Variants in AGMO observed in about 807,000 individuals in gnomAD.
The protein encoded by AGMO is alkylglycerol monooxygenase.
Under a neutral mutation model 60.2 loss-of-function variants are expected in AGMO, and 75 were observed. The observed-to-expected ratio is 1.25, with a 90% confidence interval of 1.03 to 1.51. The LOEUF is 1.51. AGMO is among the 40% of genes most tolerant of loss of function. The pLI, the probability that AGMO is intolerant of heterozygous loss-of-function variation, is 0.00. For synonymous variants in AGMO, 261 were observed against 177.1 expected (o/e 1.47, Z -3.76); for missense variants, 763 against 525.5 (o/e 1.45, Z -4.42).
intron 3 of AGMO, among the ~76,000 whole-genome samples, chr7:15,453,916 A>T (rs1781923173): frequency 6.7e-6 from 1 of 149,488 alleles, no homozygotes; most frequent in Admixed American, 6.7e-5. Context: ...ATTACACAAA[A>T]TATAATGTTT....
At chr7:15,546,629 A>T (rs1362844512) in intron 2 of AGMO, among the ~76,000 whole-genome samples, 1 of 152,192 alleles carries the variant, frequency 6.6e-6, no homozygotes, top group East Asian at 1.9e-4. Flanking sequence ...TGGGATGTCC[A>T]CACACAGGTG....
At chr7:15,446,659 TG>T (rs1377277618) in intron 3 of AGMO, among the ~76,000 whole-genome samples, 4 of 152,248 alleles carry the variant, frequency 2.6e-5, no homozygotes, top group Admixed American at 1.3e-4. Context: ...TGCATTTAGT[TG>T]TTTTTCTAAA....
At chr7:15,197,832 G>A (rs550210768), downstream of AGMO, among the ~76,000 whole-genome samples, 4 of 152,242 alleles carry the variant, frequency 2.6e-5, no homozygotes, top group Admixed American at 2.0e-4. Flanking sequence ...ACTTTTAAAG[G>A]CTTGCCTTAT....
intron 12 of AGMO, among the ~76,000 whole-genome samples, chr7:15,308,191 T>C (rs780262691): frequency 6.6e-5 from 10 of 152,164 alleles, no homozygotes; most frequent in Non-Finnish European, 1.5e-4. Flanking sequence ...CTGCTTATCC[T>C]GTATGTTCAT....
At chr7:15,298,508 C>T (rs1228936285) in intron 12 of AGMO, among the ~76,000 whole-genome samples, 5 of 152,092 alleles carry the variant, frequency 3.3e-5, no homozygotes, top group African/African-American at 4.8e-5. Flanking sequence ...GATCCTCTCA[C>T]CTAAGCCTCC....
At chr7:15,360,613 C>G (rs1331765122) in intron 12 of AGMO, among the ~76,000 whole-genome samples, 2 of 151,916 alleles carry the variant, frequency 1.3e-5, no homozygotes, top group African/African-American at 4.8e-5. Context: ...TTTGGCCTTG[C>G]TATCTCAGGA....
At chr7:15,261,430 C>T (rs1288417886) in intron 12 of AGMO, among the ~76,000 whole-genome samples, 1 of 151,980 alleles carries the variant, frequency 6.6e-6, no homozygotes, top group East Asian at 1.9e-4. Flanking sequence ...TGGAAATACA[C>T]AACCCTCCTA....
chr7:15,171,428 T>C, the AGMO span, among the ~76,000 whole-genome samples: 2 of 152,210 alleles, frequency 1.3e-5, no homozygotes, highest in South Asian at 4.1e-4. Context: ...GTATAAAGTA[T>C]ACACTTCTTT....
chr7:15,459,059 C>T (rs1303694261), intron 3 of AGMO, among the ~76,000 whole-genome samples: 1 of 152,084 alleles, frequency 6.6e-6, no homozygotes, highest in Non-Finnish European at 1.5e-5. Flanking sequence ...TGCAATACTG[C>T]CCACATACAA....
At chr7:15,193,914 T>C in the AGMO span, among the ~76,000 whole-genome samples, 1 of 152,146 alleles carries the variant, frequency 6.6e-6, no homozygotes, top group Non-Finnish European at 1.5e-5. Context: ...TCTAGGCAAT[T>C]TGCAACTTTG....
At chr7:15,263,647 C>G (rs1371171881) in intron 12 of AGMO, among the ~76,000 whole-genome samples, 1 of 151,970 alleles carries the variant, frequency 6.6e-6, no homozygotes, top group Non-Finnish European at 1.5e-5. Context: ...CAATTTGCAA[C>G]TGCAAAAATA....
chr7:15,540,326 GTT>G (rs754473960), intron 3 of AGMO, among the ~76,000 whole-genome samples: 9 of 152,176 alleles, frequency 5.9e-5, no homozygotes, highest in African/African-American at 1.7e-4. Flanking sequence ...GCTACAGCTA[GTT>G]TTTTGGTGTG....
intron 12 of AGMO, among the ~76,000 whole-genome samples, chr7:15,307,555 G>A (rs1041432902): frequency 6.6e-6 from 1 of 151,728 alleles, no homozygotes; most frequent in Non-Finnish European, 1.5e-5. Flanking sequence ...CCTATAAGAA[G>A]GACACTATAA....
At chr7:15,439,485 T>C (rs1781491346) in intron 3 of AGMO, among the ~76,000 whole-genome samples, 1 of 152,220 alleles carries the variant, frequency 6.6e-6, no homozygotes, top group Non-Finnish European at 1.5e-5. Flanking sequence ...TTCTTCACTT[T>C]GTACTCTGCC....
At chr7:15,343,292 AT>A (rs1781924245) in intron 12 of AGMO, among the ~76,000 whole-genome samples, 1 of 152,070 alleles carries the variant, frequency 6.6e-6, no homozygotes, top group African/African-American at 2.4e-5. Flanking sequence ...TTACCTCTCT[AT>A]TCACCCTTAT....
intron 12 of AGMO, among the ~76,000 whole-genome samples, chr7:15,348,110 T>G (rs1431171138): frequency 2.6e-5 from 4 of 152,036 alleles, no homozygotes; most frequent in African/African-American, 9.7e-5. Context: ...ATGGTAATAT[T>G]GTATCAGAGA....
At chr7:15,254,051 T>C (rs1327533787) in intron 12 of AGMO, among the ~76,000 whole-genome samples, 2 of 152,182 alleles carry the variant, frequency 1.3e-5, no homozygotes, top group Non-Finnish European at 2.9e-5. Flanking sequence ...TAGAATTTTA[T>C]CATTTTTATA....
chr7:15,149,270 T>A, the AGMO span, among the ~76,000 whole-genome samples: 13 of 152,206 alleles, frequency 8.5e-5, no homozygotes, highest in Non-Finnish European at 1.5e-4. Context: ...GTAGGTTGTG[T>A]GTTTACTCTG....
chr7:15,555,857 A>T (rs778292934), intron 2 of AGMO, among the ~76,000 whole-genome samples: 1 of 152,062 alleles, frequency 6.6e-6, no homozygotes, highest in Non-Finnish European at 1.5e-5. Flanking sequence ...AATATTAAGA[A>T]CAAATGAGAC....
Sources: gnomAD v4.1 joint callset for allele counts (sites outside exome capture counted in the v4.1 genomes callset) on GRCh38, gnomAD v4.1.1 for gene constraint, MANE v1.5 for transcripts, NCBI Gene and HGNC (gene_info 2026-07-23, HGNC 2026-07-21) for gene names.